Variants in EMSY observed in about 807,000 individuals in gnomAD.
EMSY encodes BRCA2-interacting transcriptional repressor EMSY.
EMSY carries 26 observed loss-of-function variants against 134.6 expected under a neutral mutation model. That is an observed-to-expected ratio of 0.19 (90% CI 0.14 to 0.27). The LOEUF (loss-of-function observed/expected upper bound fraction) is 0.27, where lower values mean the gene tolerates loss of function less well. EMSY is among the 10% of genes least tolerant of loss of function. The pLI, the probability that EMSY is intolerant of heterozygous loss-of-function variation, is 1.00. For synonymous variants in EMSY, 579 were observed against 577.8 expected (o/e 1.00, Z -0.03); for missense variants, 1,305 against 1,611.4 (o/e 0.81, Z 3.26).
chr11:76,536,190 C>A, intron 15 of EMSY, 131 bp downstream of exon 16: 1 of 604,392 alleles, frequency 1.7e-6, no homozygotes, highest in Non-Finnish European at 2.3e-6. Flanking sequence ...GAGCACATTT[C>A]CCCCCTCTGG....
rs187052233 is a variant in EMSY at position 76,530,245 on chromosome 11, C to T, written c.2194+1779C>T. Among the ~76,000 whole-genome samples, 7 of 150,042 alleles carry T rather than the reference C, an allele frequency of 4.7e-5. No individual in the cohort carries two copies. In the East Asian group the frequency reaches 9.8e-4, roughly 21 times the overall value. On this transcript the variant is annotated intron_variant, in intron 14 of 20. Transcript: ENST00000334736. ...CGTGATCTCGGCTCACTGCAACCTC[C>T]GTCTCCTGGGTTCAAGCGATTCTCC...
chr11:76,511,113 G>T (rs552153562), intron 9 of EMSY, among the ~76,000 whole-genome samples: 1 of 110,016 alleles, frequency 9.1e-6, no homozygotes. Context: ...AAGTACATTG[G>T]AATTACTTTC....
rs138298652 is a variant in EMSY at position 76,532,062 on chromosome 11, T to G, written c.2194+3596T>G. Among the ~76,000 whole-genome samples the G allele has an allele frequency of 5.2e-4, 79 of 152,338 alleles. No individual in the cohort carries two copies. In the East Asian group the frequency reaches 0.013, roughly 26 times the overall value. On this transcript the variant is annotated intron_variant, in intron 14 of 20. Transcript: ENST00000334736. ...TTCTTCTATGTTAGGCTTCCAATAT[T>G]GCTTTGTACATCAGCTCTTTTAACA... is the stretch of plus-strand genomic sequence containing the variant.
At chr11:76,543,460 T>G (rs1591024284) in intron 18 of EMSY, among the ~76,000 whole-genome samples, 1 of 152,148 alleles carries the variant, frequency 6.6e-6, no homozygotes, top group African/African-American at 2.4e-5. Context: ...GGGCGGCAGG[T>G]CTCAGCCTGG....
At chr11:76,507,756 A>G (rs1950130430) in intron 9 of EMSY, among the ~76,000 whole-genome samples, 1 of 152,202 alleles carries the variant, frequency 6.6e-6, no homozygotes, top group Admixed American at 6.5e-5. Flanking sequence ...TGCATCTAGA[A>G]CAGTGAATCC....
Position 76,528,264 on chromosome 11 carries a change from C to T in EMSY, c.1996-4C>T. ...ATCTCAGTATATTTCTGCTTTTCTC[C>T]TAGGTTCTTATTAAACCCAAACCAG... On this transcript the variant is annotated splice_region_variant and splice_polypyrimidine_tract_variant and intron_variant, in intron 13 of 20. Coordinates refer to ENST00000334736, the Ensembl canonical transcript of EMSY. 6.2e-7 allele frequency: 1 copy of T among 1,611,884 alleles called. No individual in the cohort carries two copies. Among genetic ancestry groups the T allele is most frequent in the Non-Finnish European group, 8.5e-7 (1 of 1,178,600 alleles).
intron 1 of EMSY, among the ~76,000 whole-genome samples, chr11:76,445,740 G>A: frequency 6.6e-6 from 1 of 152,148 alleles, no homozygotes; most frequent in East Asian, 1.9e-4. Flanking sequence ...GTGGTGCTCG[G>A]TTCGAGCAGT....
intron 9 of EMSY, among the ~76,000 whole-genome samples, chr11:76,502,536 AAAAC>A (rs1274187183): frequency 2.6e-5 from 4 of 151,066 alleles, no homozygotes; most frequent in Non-Finnish European, 5.9e-5. Context: ...TTATTAAAAA[AAAAC>A]AAAAAACAAA....
chr11:76,480,927 C>T (rs1440157409), intron 8 of EMSY, among the ~76,000 whole-genome samples: 1 of 152,234 alleles, frequency 6.6e-6, no homozygotes, highest in Non-Finnish European at 1.5e-5. Context: ...ACCCACAGAC[C>T]AGGAGATTCC....
At chr11:76,546,190 A>T (rs758548031) in exon 20 of EMSY, 33 of 1,614,044 alleles carry the variant, frequency 2.0e-5, no homozygotes, top group Non-Finnish European at 2.8e-5. Flanking sequence ...TTCCCTAACG[A>T]CAAGGAAAAT....
At chr11:76,504,997 G>T (rs1054506873) in intron 9 of EMSY, among the ~76,000 whole-genome samples, 1 of 152,160 alleles carries the variant, frequency 6.6e-6, no homozygotes, top group Non-Finnish European at 1.5e-5. Context: ...GGGGCTGGGG[G>T]TAGGAAACTG....
chr11:76,527,162 T>A (rs1950874042), intron 13 of EMSY, among the ~76,000 whole-genome samples: 1 of 152,194 alleles, frequency 6.6e-6, no homozygotes, highest in South Asian at 2.1e-4. Context: ...GCTAGGCTAC[T>A]GTTTATTTTG....
chr11:76,465,191 T>G (rs565230369), intron 7 of EMSY, among the ~76,000 whole-genome samples: 41 of 152,342 alleles, frequency 2.7e-4, no homozygotes, highest in Non-Finnish European at 4.6e-4. Context: ...TATTTGCCTA[T>G]TGAACTGCCT....
intron 8 of EMSY, among the ~76,000 whole-genome samples, chr11:76,489,315 CT>C (rs57048007): frequency 0.37 from 47,116 of 127,972 alleles, 7,696 homozygotes; most frequent in African/African-American, 0.42. Context: ...TTCTTGTTTT[CT>C]TTTTTTTTTT....
intron 11 of EMSY, among the ~76,000 whole-genome samples, chr11:76,521,765 T>TAA (rs757237301): frequency 1.5e-4 from 19 of 127,010 alleles, no homozygotes; most frequent in East Asian, 6.7e-4. Context: ...CTGTTTCTCT[T>TAA]AAAAAAAAAA....
intron 9 of EMSY, among the ~76,000 whole-genome samples, chr11:76,506,301 C>T (rs982227802): frequency 4.6e-5 from 7 of 152,148 alleles, no homozygotes; most frequent in African/African-American, 1.4e-4. Flanking sequence ...TGTCTAACCT[C>T]ATACCAGTTT....
At chr11:76,508,004 CAGGCATGAGCCAT>C (rs1950144805) in intron 9 of EMSY, among the ~76,000 whole-genome samples, 1 of 151,890 alleles carries the variant, frequency 6.6e-6, no homozygotes, top group Non-Finnish European at 1.5e-5. Context: ...GCTGAGACTA[CAGGCATGAGCCAT>C]AGCATGCCTG....
intron 8 of EMSY, among the ~76,000 whole-genome samples, chr11:76,488,246 G>T (rs1052813872): frequency 7.9e-5 from 12 of 152,190 alleles, no homozygotes; most frequent in African/African-American, 2.7e-4. Context: ...AGGGAGGGTT[G>T]TTTGAAGCTA....
rs549513275 is a variant in EMSY, at chr11:76,515,851, G to A, written c.1514-291G>A. On this transcript the variant is annotated intron_variant, in intron 10 of 20. Transcript: ENST00000334736. ...TTTTGGCATAAAACTAGTAGAAGAA[G>A]GGTAGTGGAAGAAGGGAACAGAGTT... Among the ~76,000 whole-genome samples the A allele has an allele frequency of 5.3e-5, 8 of 152,276 alleles. No individual in the cohort carries two copies. In the South Asian group the frequency reaches 1.7e-3, roughly 32 times the overall value.
Sources: allele counts gnomAD v4.1 joint callset (sites outside exome capture counted in the v4.1 genomes callset), GRCh38; gene constraint gnomAD v4.1.1; transcripts MANE v1.5; gene names NCBI Gene and HGNC (gene_info 2026-07-23, HGNC 2026-07-21).